Variants in NBEA observed in about 807,000 individuals in gnomAD.
The protein encoded by NBEA is lysosomal-trafficking regulator 2.
A neutral mutation model predicts 343.4 loss-of-function variants in NBEA; 44 were observed. The observed-to-expected ratio is 0.13, with a 90% CI of 0.10 to 0.16. The LOEUF is 0.16. NBEA is among the 10% of genes least tolerant of loss of function. The pLI is 1.00. For missense variants in NBEA, 2,555 were observed against 3,631.3 expected, an observed-to-expected ratio of 0.70 and a Z score of 7.62; for synonymous variants, 1,175 against 1,238.7, an observed-to-expected ratio of 0.95 and a Z score of 1.08.
At chr13:35,660,052 A>G (rs896024701) in intron 55 of NBEA, among the ~76,000 whole-genome samples, 1 of 152,194 alleles carries the variant, frequency 6.6e-6, no homozygotes, top group African/African-American at 2.4e-5. Flanking sequence ...TCTTTGCAAT[A>G]TATTACAACC....
At chr13:35,668,657 T>A in intron 58 of NBEA, 138 bp downstream of exon 58, 1 of 846,628 alleles carries the variant, frequency 1.2e-6, no homozygotes, top group Non-Finnish European at 1.7e-6. Context: ...AAGGGGAAAA[T>A]GAGGGGAAGA....
rs763025735 is a variant in NBEA at position 35,196,102 on chromosome 13, T to C, written c.5166T>C (p.Pro1722=). ...KKSQESLTEN[P]SETLKPATSI... ...CACAAGAGAGCTTAACTGAAAATCC[T>C]AGTGAAACGTTGAAGCCTGCAACAT... The change falls in exon 31 of 59, where the codon CCT becomes CCC. Residue 1722 remains proline, a synonymous_variant. Transcript: ENST00000379939. 8.1e-6 allele frequency: 13 copies of C among 1,613,656 alleles called. No homozygotes were observed. Among genetic ancestry groups the C allele is most frequent in the Non-Finnish European group, 1.1e-5 (13 of 1,179,736 alleles).
chr13:35,300,238 C>T (rs11619641), intron 35 of NBEA, among the ~76,000 whole-genome samples: 2,935 of 152,206 alleles, frequency 0.019, 51 homozygotes, highest in South Asian at 0.034. Context: ...GCAGGGGAAT[C>T]GCTTGAACCC....
chr13:35,519,910 C>T (rs965713493), intron 41 of NBEA, among the ~76,000 whole-genome samples: 2 of 152,180 alleles, frequency 1.3e-5, no homozygotes, highest in African/African-American at 4.8e-5. Flanking sequence ...TAACCAAACT[C>T]TCTTTATCCC....
At chr13:34,988,097 C>T (rs2060622259) in intron 1 of NBEA, among the ~76,000 whole-genome samples, 2 of 150,976 alleles carry the variant, frequency 1.3e-5, no homozygotes, top group South Asian at 2.1e-4. Context: ...GAATTTTCAG[C>T]GTTTCTACTC....
At chr13:35,330,634 C>G (rs954770130) in intron 36 of NBEA, among the ~76,000 whole-genome samples, 4 of 152,016 alleles carry the variant, frequency 2.6e-5, no homozygotes, top group Non-Finnish European at 5.9e-5. Flanking sequence ...CTCACCCAAT[C>G]AAAATGATAG....
intron 1 of NBEA, among the ~76,000 whole-genome samples, chr13:35,005,943 T>C (rs2152528443): frequency 6.6e-6 from 1 of 152,334 alleles, no homozygotes; most frequent in South Asian, 2.1e-4. Flanking sequence ...ATAGCCTCCA[T>C]GGGTTACATT....
rs573879486 is a variant in NBEA at position 34,990,205 on chromosome 13, AC to A, written c.294+47092del. 3.6e-3 allele frequency among the ~76,000 whole-genome samples: 548 copies of A among 150,474 alleles called. 35 individuals are homozygous for A. Among genetic ancestry groups the A allele is most frequent in the Non-Finnish European group, 6.4e-3 (433 of 67,224 alleles). ...GGAGGATGGTGGCTTTTTTCTCACA[AC>A]TCCACTAGGCAGTGCCCCAGTGGGG... On this transcript the variant is annotated intron_variant, in intron 1 of 58. Transcript: ENST00000379939.
At chr13:35,194,013 A>G (rs961788979) in intron 30 of NBEA, among the ~76,000 whole-genome samples, 1 of 152,046 alleles carries the variant, frequency 6.6e-6, no homozygotes, top group East Asian at 1.9e-4. Context: ...GACTCAAAAG[A>G]AAAGGGGGAG....
intron 34 of NBEA, among the ~76,000 whole-genome samples, chr13:35,280,140 G>A (rs1309563800): frequency 1.3e-5 from 2 of 152,046 alleles, no homozygotes; most frequent in Non-Finnish European, 2.9e-5. Context: ...CAGTAGGATT[G>A]TTCTAATTAC....
chr13:35,207,985 C>A (rs776167927), intron 31 of NBEA, among the ~76,000 whole-genome samples: 1 of 152,096 alleles, frequency 6.6e-6, no homozygotes, highest in African/African-American at 2.4e-5. Context: ...CTTTGGGAGG[C>A]CAAGTGGATG....
At position 35,101,467 on chromosome 13, in the gene NBEA, T is replaced by A. The variant is rs373271265; in HGVS notation, c.1680+3062T>A. On this transcript the variant is annotated intron_variant, in intron 11 of 58. Transcript: ENST00000379939. Reference sequence around the variant, plus strand: ...TATCTTTTCATATGCTTGTTGTCTATTTTCATGTGCTTATTAGCTATTTAT... The same window carrying A: ...TATCTTTTCATATGCTTGTTGTCTAATTTCATGTGCTTATTAGCTATTTAT... Among the ~76,000 whole-genome samples, 13 of 152,044 alleles carry A rather than the reference T, an allele frequency of 8.6e-5. 1 individual carries two copies. The South Asian group carries it at 2.7e-3, about 31-fold the overall frequency.
intron 55 of NBEA, among the ~76,000 whole-genome samples, chr13:35,663,448 C>CT (rs776336157): frequency 5.3e-5 from 8 of 151,452 alleles, no homozygotes; most frequent in South Asian, 2.1e-4. Context: ...GACAGGATTT[C>CT]TTTTTTTTTA....
chr13:35,463,887 C>T (rs901673845), intron 40 of NBEA, among the ~76,000 whole-genome samples: 7 of 151,802 alleles, frequency 4.6e-5, no homozygotes, highest in African/African-American at 1.7e-4. Flanking sequence ...GGGGTAACTA[C>T]CTCAAACAAG....
chr13:34,999,660 T>C (rs2152523264), intron 1 of NBEA, among the ~76,000 whole-genome samples: 1 of 152,312 alleles, frequency 6.6e-6, no homozygotes, highest in South Asian at 2.1e-4. Context: ...TTCTGTGATT[T>C]TTTTTCTTTT....
At chr13:35,290,500 G>A (rs1385311499) in intron 35 of NBEA, 50 bp downstream of exon 35, 1 of 1,308,324 alleles carries the variant, frequency 7.6e-7, no homozygotes. Flanking sequence ...GGTTTTTTGT[G>A]ACTAATAATA....
intron 41 of NBEA, among the ~76,000 whole-genome samples, chr13:35,528,205 C>T (rs76567256): frequency 1.3e-5 from 2 of 151,652 alleles, no homozygotes; most frequent in African/African-American, 2.4e-5. Flanking sequence ...ATAGAAGGGC[C>T]AGGCCACTCA....
chr13:35,583,905 G>A lies in NBEA; in HGVS notation c.7043G>A (p.Gly2348Asp), dbSNP rs751635822. ...TTTTTTTTCTTTTAATAGCCAATTGGTGCTTTGAACCCCAAGAGAGCTGTG... is the reference window on the plus strand; with the variant it reads ...TTTTTTTTCTTTTAATAGCCAATTGATGCTTTGAACCCCAAGAGAGCTGTG... ...GNFRDLSKPI[G>D]ALNPKRAVFY... The change falls in exon 46 of 59, where the codon GGT (glycine) becomes GAT (aspartate). Residue 2348 changes from glycine (G) to aspartate (D), a missense_variant. Around this residue, in one of 21 missense-constraint regions of NBEA, gnomAD observed 156 missense variants for 185.8 expected, o/e 0.84. Transcript: ENST00000379939. 6.2e-7 allele frequency: 1 copy of A among 1,607,708 alleles called. No individual in the cohort carries two copies. Among genetic ancestry groups the A allele is most frequent in the South Asian group, 1.1e-5 (1 of 89,234 alleles).
At chr13:35,118,629 C>G (rs2066627831) in intron 16 of NBEA, among the ~76,000 whole-genome samples, 155 bp downstream of exon 16, 2 of 152,022 alleles carry the variant, frequency 1.3e-5, no homozygotes. Context: ...CTCGAATACT[C>G]AGGAAACTGA....
Sources: allele counts gnomAD v4.1 joint callset (sites outside exome capture counted in the v4.1 genomes callset), GRCh38; gene constraint gnomAD v4.1.1; regional missense constraint gnomAD v4.1.1; transcripts MANE v1.5; gene names NCBI Gene and HGNC (gene_info 2026-07-23, HGNC 2026-07-21).